The following GREB1L variants were observed in gnomAD, a reference collection of about 807,000 sequenced individuals.
GREB1L encodes GREB1 like retinoic acid receptor coactivator, also known as GREB1-like protein.
Under a neutral mutation model 200.8 loss-of-function variants are expected in GREB1L, and 17 were observed. The observed-to-expected ratio is 0.08, with a 90% confidence interval of 0.06 to 0.13. GREB1L has a LOEUF of 0.13. Ranked by LOEUF, GREB1L falls within the 10% of genes least tolerant of loss-of-function variation. GREB1L has a pLI of 1.00. For synonymous variants in GREB1L, 789 were observed against 893.0 expected (o/e 0.88, Z 2.08); for missense variants, 1,657 against 2,367.7 (o/e 0.70, Z 6.23).
intron 1 of GREB1L, among the ~76,000 whole-genome samples, chr18:21,301,093 G>T (rs1248475062): frequency 6.6e-6 from 1 of 152,180 alleles, no homozygotes; most frequent in Non-Finnish European, 1.5e-5. Flanking sequence ...TATCTGGCAG[G>T]ATGCTATTCG....
chr18:21,267,772 A>C lies in GREB1L; in HGVS notation c.-120+25379A>C, dbSNP rs370133015. ...GCCCTTAAGAAATAGTAGAAGTGAC[A>C]GAGAGTTGAGATAAGCCAGTCCCAC... On this transcript the variant is annotated intron_variant, in intron 1 of 32. Coordinates refer to ENST00000424526, the MANE Select transcript of GREB1L (RefSeq NM_001142966.3). 1.4e-4 allele frequency among the ~76,000 whole-genome samples: 21 copies of C among 151,330 alleles called. No homozygotes were observed. In the East Asian group the frequency reaches 3.3e-3, roughly 24 times the overall value.
In GREB1L at chr18:21,274,201, A is replaced by G. The variant is rs140003126; in HGVS notation, c.-120+31808A>G. Among the ~76,000 whole-genome samples the G allele has an allele frequency of 2.8e-3, 419 of 152,232 alleles. 3 individuals carry two copies. Among genetic ancestry groups the G allele is most frequent in the African/African-American group, 9.7e-3 (403 of 41,538 alleles). ...GTATCCTCACATGGTAGAGGGGGCA[A>G]TGGAGCTCTCTGGGGTCTTTTTTAT... is the stretch of plus-strand genomic sequence containing the variant. On this transcript the variant is annotated intron_variant, in intron 1 of 32. Coordinates refer to ENST00000424526, the MANE Select transcript of GREB1L (RefSeq NM_001142966.3).
At chr18:21,468,401 G>A (rs2035349659) in intron 15 of GREB1L, among the ~76,000 whole-genome samples, 1 of 152,134 alleles carries the variant, frequency 6.6e-6, no homozygotes, top group Admixed American at 6.5e-5. Context: ...GAAGAATTGA[G>A]GGGTTAAATG....
intron 23 of GREB1L, 97 bp from the exon 24 acceptor site, chr18:21,505,315 C>A: frequency 8.9e-7 from 1 of 1,122,880 alleles, no homozygotes; most frequent in Non-Finnish European, 1.3e-6. Context: ...CCTTTGTCCA[C>A]CCATCTGGGC....
chr18:21,385,473 C>T (rs907185095), intron 4 of GREB1L, among the ~76,000 whole-genome samples: 12 of 151,928 alleles, frequency 7.9e-5, no homozygotes, highest in African/African-American at 2.7e-4. Context: ...CTTAAGTGCC[C>T]AATTCACTAA....
At chr18:21,321,153 G>A (rs1294736109) in intron 1 of GREB1L, among the ~76,000 whole-genome samples, 1 of 151,758 alleles carries the variant, frequency 6.6e-6, no homozygotes, top group Non-Finnish European at 1.5e-5. Context: ...AATTAGCCAG[G>A]CATGGTGGCA....
In GREB1L at chr18:21,428,332, C is replaced by CTTTTTTTTTTTTTTTTTTTTTTTTTTTT. The variant is rs59982674; in HGVS notation, c.833-11163_833-11162insTTTTTTTTTTTTTTTTTTTTTTTTTTTT. On this transcript the variant is annotated intron_variant, in intron 7 of 32. Coordinates refer to ENST00000424526, the MANE Select transcript of GREB1L (RefSeq NM_001142966.3). ...TTATTTTGGGTTTTTGTCTTTTTGT[C>CTTTTTTTTTTTTTTTTTTTTTTTTTTTT]TTTTTTTTTTTTTTTTTTTTTTTTT... 1.5e-4 allele frequency among the ~76,000 whole-genome samples: 8 copies of CTTTTTTTTTTTTTTTTTTTTTTTTTTTT among 54,024 alleles called. 1 individual carries two copies. Among genetic ancestry groups the CTTTTTTTTTTTTTTTTTTTTTTTTTTTT allele is most frequent in the African/African-American group, 1.9e-4 (3 of 15,716 alleles). 35.4% of individuals were successfully genotyped at this position (54,024 alleles called of 152,430 possible). A position where few individuals can be genotyped will look rare whatever the true frequency, so the allele number is the denominator to read the frequency against.
At chr18:21,520,581 C>T (rs1397329761) in intron 31 of GREB1L, 107 bp from the exon 32 acceptor site, 2 of 1,277,496 alleles carry the variant, frequency 1.6e-6, no homozygotes, top group South Asian at 1.4e-5. Flanking sequence ...ATCTCCTTTA[C>T]CTTATCCTGA....
At chr18:21,446,521 C>G (rs2145352152) in intron 11 of GREB1L, among the ~76,000 whole-genome samples, 1 of 152,302 alleles carries the variant, frequency 6.6e-6, no homozygotes, top group Admixed American at 6.5e-5. Context: ...CAGTTCTTTC[C>G]TGAATTTGAC....
At chr18:21,321,319 TAAG>T (rs1271178640) in intron 1 of GREB1L, among the ~76,000 whole-genome samples, 2 of 151,946 alleles carry the variant, frequency 1.3e-5, no homozygotes, top group Middle Eastern at 3.4e-3. Flanking sequence ...AATAAAATCT[TAAG>T]AAACCTTATC....
At chr18:21,521,466 G>T (rs529546610) in intron 32 of GREB1L, among the ~76,000 whole-genome samples, 21 of 152,100 alleles carry the variant, frequency 1.4e-4, no homozygotes, top group Non-Finnish European at 2.1e-4. Context: ...AGTGAAGAAA[G>T]TGAGGTTCAG....
At chr18:21,293,874 G>A (rs142001828) in intron 1 of GREB1L, among the ~76,000 whole-genome samples, 1 of 152,260 alleles carries the variant, frequency 6.6e-6, no homozygotes, top group East Asian at 1.9e-4. Context: ...CTGTCTCCCG[G>A]GTTCGAGTGA....
intron 15 of GREB1L, among the ~76,000 whole-genome samples, chr18:21,457,787 C>T (rs543707990): frequency 4.6e-5 from 7 of 152,116 alleles, no homozygotes; most frequent in Non-Finnish European, 5.9e-5. Context: ...GAAATTGCTC[C>T]GGGTAGAATA....
At chr18:21,484,269 G>A (rs930102325) in intron 17 of GREB1L, among the ~76,000 whole-genome samples, 14 of 151,074 alleles carry the variant, frequency 9.3e-5, no homozygotes, top group African/African-American at 2.2e-4. Flanking sequence ...TCCACCTCCG[G>A]GTTCAAGGTA....
At chr18:21,378,353 A>T (rs1422203337) in intron 2 of GREB1L, among the ~76,000 whole-genome samples, 1 of 152,158 alleles carries the variant, frequency 6.6e-6, no homozygotes, top group African/African-American at 2.4e-5. Context: ...TCAGTTACGT[A>T]ATTCTTTACA....
chr18:21,445,547 A>C (rs2034170094), intron 11 of GREB1L, among the ~76,000 whole-genome samples: 1 of 152,180 alleles, frequency 6.6e-6, no homozygotes. Flanking sequence ...ATTAGTATGC[A>C]CTCTTGTGAA....
intron 1 of GREB1L, among the ~76,000 whole-genome samples, chr18:21,329,869 C>A (rs1299531662): frequency 6.6e-6 from 1 of 151,836 alleles, no homozygotes; most frequent in Non-Finnish European, 1.5e-5. Context: ...ACTACCAACT[C>A]ACTCTTTCTT....
chr18:21,379,504 G>A (rs1260893688), intron 2 of GREB1L, among the ~76,000 whole-genome samples: 2 of 152,144 alleles, frequency 1.3e-5, no homozygotes, highest in East Asian at 1.9e-4. Context: ...CACGCCAGGA[G>A]GTTTTCAAGA....
At chr18:21,468,729 C>G (rs758468938) in intron 15 of GREB1L, 2 of 456,550 alleles carry the variant, frequency 4.4e-6, no homozygotes, top group Admixed American at 2.3e-5. Context: ...GTTCCAGGTT[C>G]CAGTCCAGGT....
Sources: gnomAD v4.1 joint callset for allele counts (sites outside exome capture counted in the v4.1 genomes callset) on GRCh38, gnomAD v4.1.1 for gene constraint, MANE v1.5 for transcripts, NCBI Gene and HGNC (gene_info 2026-07-23, HGNC 2026-07-21) for gene names.